Variants in SURF4 observed in about 807,000 individuals in gnomAD.
The protein encoded by SURF4 is surfeit locus protein 4.
In SURF4, 3 loss-of-function variants were observed where a neutral mutation model predicts 30.0. The ratio of observed to expected loss-of-function variants is 0.10; its 90% CI spans 0.05 to 0.26. The LOEUF is 0.26. SURF4 is among the 10% of genes least tolerant of loss of function. The pLI is 1.00. For synonymous variants in SURF4, 143 were observed against 139.9 expected (o/e 1.02, Z -0.16); for missense variants, 217 against 350.8 (o/e 0.62, Z 3.05).
chr9:133,365,033 A>G lies in SURF4; in HGVS notation c.357-7T>C. 6.5e-7 allele frequency: 1 copy of G among 1,536,582 alleles called. No individual in the cohort carries two copies. Among genetic ancestry groups the G allele is most frequent in the Non-Finnish European group, 8.8e-7 (1 of 1,137,506 alleles). ...TCCTCCCAGGGCCAGGTTCCTGAGG[A>G]ACAGATATGTGGGCTGGAAGCTAAG... On this transcript the variant is annotated splice_region_variant and splice_polypyrimidine_tract_variant and intron_variant, in intron 4 of 5. Coordinates refer to ENST00000371989, the MANE Select transcript of SURF4 (RefSeq NM_033161.4).
rs1238071669 is a variant in SURF4, at chr9:133,367,687, C to G, written c.49-242G>C. The G allele has an allele frequency of 4.4e-6, 5 of 1,146,726 alleles. No individual in the cohort carries two copies. The East Asian group carries it at 1.3e-4, about 31-fold the overall frequency. 71.0% of individuals were successfully genotyped at this position (1,146,726 alleles called of 1,614,324 possible). ...TCAGTCCCGGAGATGCATGACTTGA[C>G]GTTAGGCCCTCTGGGGCAGATCCTA... On this transcript the variant is annotated intron_variant, in intron 1 of 5. Coordinates refer to ENST00000371989, the MANE Select transcript of SURF4 (RefSeq NM_033161.4).
At position 133,364,310 on chromosome 9, in the gene SURF4, A is replaced by AG. The variant is rs2130101036; in HGVS notation, c.543+529dup. On this transcript the variant is annotated intron_variant, in intron 5 of 5. Coordinates refer to ENST00000371989, the MANE Select transcript of SURF4 (RefSeq NM_033161.4). ...ACCAAGGGCCAAGCACACTCCACCA[A>AG]GGTCAGAGGTTCTGGCCTTCATTTG... 1.2e-3 allele frequency among the ~76,000 whole-genome samples: 183 copies of AG among 152,374 alleles called. 3 individuals carry two copies. The highest frequency in any genetic ancestry group is 3.4e-3 in the Middle Eastern group (1 of 294).
At chr9:133,371,456 G>A (rs1010469799) in intron 1 of SURF4, among the ~76,000 whole-genome samples, 1 of 152,216 alleles carries the variant, frequency 6.6e-6, no homozygotes, top group Non-Finnish European at 1.5e-5. Flanking sequence ...CCCAATGTGG[G>A]AGATGATGGC....
chr9:133,369,953 G>A (rs904146466), intron 1 of SURF4, among the ~76,000 whole-genome samples: 5 of 152,220 alleles, frequency 3.3e-5, no homozygotes, highest in Admixed American at 3.3e-4. Flanking sequence ...GGTGTGGGGC[G>A]TGGACCCCAA....
chr9:133,373,909 CAAAAAAAAAAAA>C (rs71824689), intron 1 of SURF4, among the ~76,000 whole-genome samples: 28 of 47,562 alleles, frequency 5.9e-4, no homozygotes, highest in South Asian at 2.6e-3. Flanking sequence ...AATTCTGTCT[CAAAAAAAAAAAA>C]AAAAAAAAAA....
Position 133,362,594 on chromosome 9 carries a change from G to C in SURF4, c.*899C>G, listed in dbSNP as rs1379041875. Reference sequence around the variant, plus strand: ...GTGAGGTAACTGGGTTGAGTCCGTGGGTCTCCAGTGCTGGGAGCTCCTGCC... The same window carrying C: ...GTGAGGTAACTGGGTTGAGTCCGTGCGTCTCCAGTGCTGGGAGCTCCTGCC... On this transcript the variant is annotated 3_prime_UTR_variant, in exon 6 of 6. Coordinates refer to ENST00000371989, the MANE Select transcript of SURF4 (RefSeq NM_033161.4). 6.6e-6 allele frequency: 1 copy of C among 152,660 alleles called. No homozygotes were observed. Among genetic ancestry groups the C allele is most frequent in the Non-Finnish European group, 1.5e-5 (1 of 68,120 alleles). The allele number at this position is 152,660 out of a possible 1,614,324, so 9.5% of individuals were successfully genotyped here.
Position 133,363,321 on chromosome 9 carries a change from G to C in SURF4, c.*172C>G. Reference sequence around the variant, plus strand: ...CCAGACTGTGGCTCCAGAGCAGACTGAGCCATCGATTCTCAGGTGTCTCTG... The same window carrying C: ...CCAGACTGTGGCTCCAGAGCAGACTCAGCCATCGATTCTCAGGTGTCTCTG... On this transcript the variant is annotated 3_prime_UTR_variant, in exon 6 of 6. Coordinates refer to ENST00000371989, the MANE Select transcript of SURF4 (RefSeq NM_033161.4). This position sits in a 1 kb window ranked among gnomAD's most constrained non-coding sequence, Gnocchi z 4.3. The C allele has an allele frequency of 2.7e-6, 3 of 1,110,304 alleles. No homozygotes were observed. Among genetic ancestry groups the C allele is most frequent in the Non-Finnish European group, 4.0e-6 (3 of 745,462 alleles). The allele number at this position is 1,110,304 out of a possible 1,614,324, so 68.8% of individuals were successfully genotyped here.
upstream of SURF4, chr9:133,376,478 T>A: frequency 6.3e-7 from 1 of 1,588,976 alleles, no homozygotes; most frequent in Non-Finnish European, 8.5e-7. Flanking sequence ...CTGATCATGC[T>A]TGGGCCAGGG....
chr9:133,376,537 G>A (rs2130249147), upstream of SURF4: 1 of 1,600,116 alleles, frequency 6.2e-7, no homozygotes, highest in Non-Finnish European at 8.5e-7. Flanking sequence ...AGGGTCCCCC[G>A]GAGAGCCCAT....
At position 133,361,853 on chromosome 9, in the gene SURF4, A is replaced by G. The variant is rs2130066718; in HGVS notation, c.*1640T>C. The stretch of plus-strand genomic sequence containing the variant: ...CCAAGGTCATTTGATGGGGGCTGTC[A>G]TACGGCACTAACAGGGAGCGAGGTG... On this transcript the variant is annotated 3_prime_UTR_variant, in exon 6 of 6. Transcript: ENST00000371989. The G allele has an allele frequency of 6.6e-6, 1 of 152,302 alleles. No homozygotes were observed. Among genetic ancestry groups the G allele is most frequent in the Non-Finnish European group, 1.5e-5 (1 of 68,154 alleles). 9.4% of individuals were successfully genotyped at this position (152,302 alleles called of 1,614,324 possible). A position where few individuals can be genotyped will look rare whatever the true frequency, so the allele number is the denominator to read the frequency against.
At chr9:133,376,107 G>A (rs2130245397), upstream of SURF4, 7 of 1,203,106 alleles carry the variant, frequency 5.8e-6, no homozygotes, top group Non-Finnish European at 7.2e-6. Context: ...TCCAGCGGCT[G>A]CCACGTAGGC....
intron 1 of SURF4, among the ~76,000 whole-genome samples, chr9:133,370,722 T>C (rs1206636272): frequency 6.6e-6 from 1 of 152,142 alleles, no homozygotes; most frequent in Non-Finnish European, 1.5e-5. Flanking sequence ...CTAAGGCCAT[T>C]GCTGGTAGCC....
intron 1 of SURF4, among the ~76,000 whole-genome samples, 194 bp downstream of exon 1, chr9:133,375,728 G>A (rs2130240240): frequency 3.3e-5 from 5 of 152,108 alleles, no homozygotes; most frequent in African/African-American, 4.8e-5. Context: ...CAGCGGGCAG[G>A]GGAGACTGGG....
At chr9:133,368,221 C>G (rs936399927) in intron 1 of SURF4, among the ~76,000 whole-genome samples, 1 of 152,222 alleles carries the variant, frequency 6.6e-6, no homozygotes, top group African/African-American at 2.4e-5. Context: ...CCAGTGACGC[C>G]CAGAGTACCC....
rs2130129358 is a variant in SURF4 at position 133,366,626 on chromosome 9, G to A, written c.285C>T (p.Phe95=). Residue 95 remains phenylalanine (F), a synonymous_variant, in exon 3 of 6, where the codon TTC becomes TTT. Transcript: ENST00000371989. The part of the protein sequence containing the change: ...LSRNFVQYAC[F]GLFGIIALQT... ...GCAGAGCTATGATTCCAAAGAGCCC[G>A]AAGCAGGCGTACTGCACGAAGTTCC... 1.1e-5 allele frequency: 18 copies of A among 1,613,820 alleles called. No homozygotes were observed. The highest frequency in any genetic ancestry group is 4.0e-5 in the African/African-American group (3 of 74,914).
chr9:133,364,727 G>T, intron 5 of SURF4, 113 bp downstream of exon 5: 1 of 957,160 alleles, frequency 1.0e-6, no homozygotes, highest in Non-Finnish European at 1.5e-6. Flanking sequence ...CATTTCAGCA[G>T]CTCCCCCAGG....
At chr9:133,376,490 C>T, upstream of SURF4, 2 of 1,594,706 alleles carry the variant, frequency 1.3e-6, no homozygotes, top group Non-Finnish European at 1.7e-6. Flanking sequence ...GGGCCAGGGT[C>T]CAATCGCAGG....
chr9:133,364,861 G>A lies in SURF4; in HGVS notation c.522C>T (p.His174=). 1 of 1,614,124 alleles carries A rather than the reference G, an allele frequency of 6.2e-7. No individual in the cohort carries two copies. ...TTACAGAAAAGAAGCTGGCGTCAAA[G>A]TGAAGGAGGGTCATGAACATCAGAA... ...LLVLMFMTLL[H]FDASFFSIVQ... is the part of the protein sequence containing the mutation. The change falls in exon 5 of 6, where the codon CAC becomes CAT. Residue 174 remains histidine (H), a synonymous_variant. Transcript: ENST00000371989.
chr9:133,371,732 T>C (rs1432732158), intron 1 of SURF4, among the ~76,000 whole-genome samples: 1 of 152,222 alleles, frequency 6.6e-6, no homozygotes, highest in African/African-American at 2.4e-5. Context: ...ACCAGGACTT[T>C]GCCACACCAG....
Sources: allele counts gnomAD v4.1 joint callset (sites outside exome capture counted in the v4.1 genomes callset), GRCh38; gene constraint gnomAD v4.1.1; non-coding constraint Gnocchi (gnomAD v3.1); transcripts MANE v1.5; gene names NCBI Gene and HGNC (gene_info 2026-07-23, HGNC 2026-07-21).